SIM1: variants seen among roughly 807,000 people sequenced by gnomAD.
SIM1 encodes the protein SIM bHLH transcription factor 1, also known as single-minded homolog 1.
Under a neutral mutation model 78.2 loss-of-function variants are expected in SIM1, and 18 were observed. The ratio of observed to expected loss-of-function variants is 0.23; its 90% CI spans 0.16 to 0.34. SIM1 has a LOEUF of 0.34. SIM1 is among the 10% of genes least tolerant of loss of function. The pLI, the probability that SIM1 is intolerant of heterozygous loss-of-function variation, is 1.00. For synonymous variants in SIM1, 417 were observed against 385.2 expected, an observed-to-expected ratio of 1.08 and a Z score of -0.97; for missense variants, 939 against 975.1, an observed-to-expected ratio of 0.96 and a Z score of 0.49.
Position 100,401,264 on chromosome 6 carries a change from A to G in SIM1, c.1168-7375T>C, listed in dbSNP as rs148264074. Among the ~76,000 whole-genome samples the G allele has an allele frequency of 3.4e-3, 522 of 152,320 alleles. 1 individual carries two copies. The highest frequency in any genetic ancestry group is 0.012 in the African/African-American group (496 of 41,588). ...TGCCAATAATATGAAAGAAAAGGCC[A>G]GGCTAAAGAACTATTCAGATTAAAG... On this transcript the variant is annotated intron_variant, in intron 10 of 11. Coordinates refer to ENST00000369208, the MANE Select transcript of SIM1 (RefSeq NM_005068.3).
intron 2 of SIM1, among the ~76,000 whole-genome samples, chr6:100,457,503 C>T (rs918607967): frequency 6.6e-6 from 1 of 152,162 alleles, no homozygotes; most frequent in South Asian, 2.1e-4. Context: ...TCCTGAAAAC[C>T]CCAAATCCCA....
intron 11 of SIM1, among the ~76,000 whole-genome samples, 170 bp from the exon 12 acceptor site, chr6:100,391,261 T>C (rs1770633750): frequency 6.6e-6 from 1 of 152,244 alleles, no homozygotes; most frequent in Non-Finnish European, 1.5e-5. Flanking sequence ...TGACACTCTA[T>C]GTGTCAACTC....
intron 11 of SIM1, 79 bp downstream of exon 11, chr6:100,393,408 T>C: frequency 1.6e-6 from 2 of 1,213,394 alleles, no homozygotes; most frequent in Admixed American, 2.9e-5. Context: ...TATTTGGTCA[T>C]TCACTCTAGT....
chr6:100,412,147 G>A (rs1192110409), intron 10 of SIM1, among the ~76,000 whole-genome samples: 1 of 152,066 alleles, frequency 6.6e-6, no homozygotes, highest in African/African-American at 2.4e-5. Flanking sequence ...CCAAAATAGG[G>A]AGAAAATTAA....
At chr6:100,422,226 A>C (rs1053568914) in intron 9 of SIM1, among the ~76,000 whole-genome samples, 1 of 151,720 alleles carries the variant, frequency 6.6e-6, no homozygotes, top group African/African-American at 2.4e-5. Flanking sequence ...TTTTTAAGAG[A>C]AGTGTCTCAC....
intron 11 of SIM1, among the ~76,000 whole-genome samples, chr6:100,392,522 G>C (rs912078096): frequency 2.0e-5 from 3 of 152,102 alleles, no homozygotes; most frequent in Non-Finnish European, 4.4e-5. Context: ...TTTGCTCTGG[G>C]TTTCCATTAC....
intron 10 of SIM1, among the ~76,000 whole-genome samples, chr6:100,397,507 G>T (rs971848331): frequency 5.3e-5 from 8 of 152,034 alleles, no homozygotes; most frequent in African/African-American, 1.7e-4. Flanking sequence ...GAGTGTCACA[G>T]CTTATATAAA....
intron 2 of SIM1, 153 bp downstream of exon 2, chr6:100,463,141 G>C (rs1443666709): frequency 3.3e-6 from 2 of 613,188 alleles, no homozygotes; most frequent in East Asian, 5.6e-5. Flanking sequence ...TGAGTTCAGT[G>C]AGGACCTTAG....
intron 10 of SIM1, among the ~76,000 whole-genome samples, chr6:100,401,144 G>A (rs1770904417): frequency 6.6e-6 from 1 of 152,048 alleles, no homozygotes; most frequent in Non-Finnish European, 1.5e-5. Context: ...GTGGATAGTG[G>A]ATAATGTATA....
At chr6:100,445,672 T>C (rs1221634827) in intron 9 of SIM1, among the ~76,000 whole-genome samples, 1 of 152,230 alleles carries the variant, frequency 6.6e-6, no homozygotes, top group Non-Finnish European at 1.5e-5. Flanking sequence ...TGTGTGACTA[T>C]ATACCCTGCT....
intron 9 of SIM1, among the ~76,000 whole-genome samples, chr6:100,423,860 G>A (rs1359455668): frequency 1.3e-5 from 2 of 152,126 alleles, no homozygotes; most frequent in Admixed American, 6.5e-5. Context: ...ATGCACTTCC[G>A]TTCATTGGAC....
rs2114562474 is a variant in SIM1 at position 100,463,460 on chromosome 6, T to C, written c.9A>G (p.Glu3=). The C allele has an allele frequency of 1.2e-6, 2 of 1,605,892 alleles. No individual in the cohort carries two copies. The highest frequency in any genetic ancestry group is 2.2e-5 in the East Asian group (1 of 44,606). The part of the protein sequence containing the change: MK[E]KSKNAARTRR... ...TAGTCCGCGCAGCATTTTTGGACTTTTCTTTCATTGTGTCTTGTTCCCCCT... is the reference window on the plus strand; with the variant it reads ...TAGTCCGCGCAGCATTTTTGGACTTCTCTTTCATTGTGTCTTGTTCCCCCT... Residue 3 remains glutamate, a synonymous_variant, in exon 2 of 12, where the codon GAA becomes GAG. Coordinates refer to ENST00000369208, the MANE Select transcript of SIM1 (RefSeq NM_005068.3).
rs530879449 is a variant in SIM1, at chr6:100,430,766, G to A, written c.999-9808C>T. Among the ~76,000 whole-genome samples the A allele has an allele frequency of 7.9e-5, 12 of 152,130 alleles. No homozygotes were observed. In the East Asian group the frequency reaches 1.2e-3, roughly 15 times the overall value. ...TACTGAACACCTTATATTTGGTTGAGGTTCTGTTATCACAGAAACAGCTTT... is the reference window on the plus strand; with the variant it reads ...TACTGAACACCTTATATTTGGTTGAAGTTCTGTTATCACAGAAACAGCTTT... On this transcript the variant is annotated intron_variant, in intron 9 of 11. Coordinates refer to ENST00000369208, the MANE Select transcript of SIM1 (RefSeq NM_005068.3).
chr6:100,396,173 G>A (rs1211201612), intron 10 of SIM1: 6 of 592,908 alleles, frequency 1.0e-5, no homozygotes, highest in Non-Finnish European at 1.3e-5. Context: ...ACCTTACTGA[G>A]TGGGGATCCA....
intron 10 of SIM1, among the ~76,000 whole-genome samples, chr6:100,410,988 G>A (rs1303872290): frequency 6.6e-6 from 1 of 152,140 alleles, no homozygotes; most frequent in African/African-American, 2.4e-5. Flanking sequence ...AATAGTTTAA[G>A]ATACTTTCCC....
intron 9 of SIM1, among the ~76,000 whole-genome samples, chr6:100,444,903 T>C (rs192696503): frequency 2.6e-5 from 4 of 152,294 alleles, no homozygotes. Context: ...TTAAAATGTA[T>C]GCTATTGAAA....
intron 2 of SIM1, among the ~76,000 whole-genome samples, chr6:100,454,660 A>T (rs140505449): frequency 1.4e-4 from 21 of 152,300 alleles, no homozygotes; most frequent in Admixed American, 3.9e-4. Context: ...CTATTAACAA[A>T]GACCCTCTCT....
At chr6:100,418,375 T>TAAAA (rs1419462371) in intron 10 of SIM1, among the ~76,000 whole-genome samples, 1 of 150,556 alleles carries the variant, frequency 6.6e-6, no homozygotes, top group Non-Finnish European at 1.5e-5. Flanking sequence ...AATAAATAAA[T>TAAAA]AAATAAATAA....
chr6:100,401,855 G>A (rs1196400981), intron 10 of SIM1, among the ~76,000 whole-genome samples: 1 of 152,020 alleles, frequency 6.6e-6, no homozygotes, highest in Non-Finnish European at 1.5e-5. Context: ...TAATTTAATC[G>A]TTTAAATCTT....
Sources: allele counts gnomAD v4.1 joint callset (sites outside exome capture counted in the v4.1 genomes callset), GRCh38; gene constraint gnomAD v4.1.1; transcripts MANE v1.5; gene names NCBI Gene and HGNC (gene_info 2026-07-23, HGNC 2026-07-21).